Variants in TRAM2 observed in about 807,000 individuals in gnomAD.
The protein encoded by TRAM2 is translocating chain-associated membrane protein 2.
In TRAM2, 12 loss-of-function variants were observed where a neutral mutation model predicts 51.0. The observed-to-expected ratio is 0.24, with a 90% CI of 0.15 to 0.38. The LOEUF is 0.38. TRAM2 is among the 10% of genes least tolerant of loss of function. The pLI, the probability that TRAM2 is intolerant of heterozygous loss-of-function variation, is 1.00. For synonymous variants in TRAM2, 175 were observed against 179.4 expected (o/e 0.98, Z 0.20); for missense variants, 361 against 462.0 (o/e 0.78, Z 2.00).
chr6:52,570,967 G>A (rs1229800993), intron 1 of TRAM2, among the ~76,000 whole-genome samples: 1 of 152,162 alleles, frequency 6.6e-6, no homozygotes, highest in Non-Finnish European at 1.5e-5. Flanking sequence ...ATCTGAGACA[G>A]TAGAGGTATA....
Position 52,505,867 on chromosome 6 carries a change from G to A in TRAM2, c.732-125C>T. ...GGGTGGCTGGGGAAAGTGCTTGAGG[G>A]ACGAGATATCTAAAATCAGATGTTC... On this transcript the variant is annotated intron_variant, in intron 8 of 10. Transcript: ENST00000182527. 4.2e-6 allele frequency: 6 copies of A among 1,424,274 alleles called. No homozygotes were observed. In the South Asian group the frequency reaches 6.9e-5, roughly 16 times the overall value. 88.2% of individuals were successfully genotyped at this position (1,424,274 alleles called of 1,614,324 possible).
At chr6:52,507,516 G>A (rs1766371522) in intron 7 of TRAM2, 37 bp downstream of exon 7, 1 of 1,608,142 alleles carries the variant, frequency 6.2e-7, no homozygotes, top group African/African-American at 1.3e-5. Context: ...GACATAAAAG[G>A]GCAAGGAAAT....
In TRAM2 at chr6:52,567,892, C is replaced by G. The variant is rs528516386; in HGVS notation, c.120+8904G>C. Among the ~76,000 whole-genome samples the G allele has an allele frequency of 1.5e-4, 23 of 152,332 alleles. No individual in the cohort carries two copies. The South Asian group carries it at 4.8e-3, about 32-fold the overall frequency. ...AAGTGAGCCCACTAACCTAATGGAG[C>G]ACAATGTTTGCCTAGCTACTACTCC... is the stretch of plus-strand genomic sequence containing the variant. On this transcript the variant is annotated intron_variant, in intron 1 of 10. Coordinates refer to ENST00000182527, the MANE Select transcript of TRAM2 (RefSeq NM_012288.4).
intron 2 of TRAM2, 103 bp from the exon 3 acceptor site, chr6:52,516,840 A>G (rs1378512819): frequency 2.3e-6 from 2 of 874,370 alleles, no homozygotes; most frequent in Non-Finnish European, 3.8e-6. Context: ...ATCAAATGCT[A>G]CCCGTTTGCT....
rs1766274330 is a variant in TRAM2 at position 52,503,277 on chromosome 6, A to G, written c.1040-7T>C. On this transcript the variant is annotated splice_region_variant and splice_polypyrimidine_tract_variant and intron_variant, in intron 10 of 10. Coordinates refer to ENST00000182527, the MANE Select transcript of TRAM2 (RefSeq NM_012288.4). ...ACTCCATTTTCATGGTAACCTGGGA[A>G]GTGGAGAGAGACAAGCATACATGGT... 1.2e-6 allele frequency: 2 copies of G among 1,613,058 alleles called. No homozygotes were observed. Among genetic ancestry groups the G allele is most frequent in the Non-Finnish European group, 1.7e-6 (2 of 1,179,070 alleles).
At chr6:52,563,475 T>C (rs1041169596) in intron 1 of TRAM2, among the ~76,000 whole-genome samples, 1 of 150,440 alleles carries the variant, frequency 6.6e-6, no homozygotes, top group Non-Finnish European at 1.5e-5. Flanking sequence ...ACCCCAGGAC[T>C]TTGGGAGACT....
At chr6:52,516,194 A>G (rs1444897271) in intron 3 of TRAM2, 72 bp from the exon 4 acceptor site, 2 of 1,369,886 alleles carry the variant, frequency 1.5e-6, no homozygotes, top group Non-Finnish European at 2.1e-6. Flanking sequence ...AAACTCTTGT[A>G]TTCTCCCCAC....
At chr6:52,574,196 T>C (rs1392609770) in intron 1 of TRAM2, among the ~76,000 whole-genome samples, 1 of 152,042 alleles carries the variant, frequency 6.6e-6, no homozygotes, top group East Asian at 1.9e-4. Context: ...CTAAGTGATA[T>C]CCAGCCAGTC....
chr6:52,531,830 T>C (rs763739668), intron 2 of TRAM2, among the ~76,000 whole-genome samples: 17 of 151,928 alleles, frequency 1.1e-4, no homozygotes, highest in African/African-American at 1.9e-4. Context: ...ATTTAATTCA[T>C]TGTTTACTTG....
intron 2 of TRAM2, among the ~76,000 whole-genome samples, chr6:52,534,009 C>T (rs1219371033): frequency 2.0e-5 from 3 of 151,340 alleles, no homozygotes; most frequent in South Asian, 2.1e-4. Flanking sequence ...CACTTGAACC[C>T]GGGAGGTGGA....
chr6:52,571,404 G>A (rs1336702836), intron 1 of TRAM2, among the ~76,000 whole-genome samples: 2 of 152,216 alleles, frequency 1.3e-5, no homozygotes, highest in Non-Finnish European at 2.9e-5. Flanking sequence ...TCTACAAACA[G>A]TCGGGACTAA....
chr6:52,542,208 C>T (rs947844998), intron 1 of TRAM2, among the ~76,000 whole-genome samples: 11 of 151,232 alleles, frequency 7.3e-5, no homozygotes, highest in Non-Finnish European at 1.5e-4. Context: ...AAATTTCAGG[C>T]AGACAAGAAA....
At chr6:52,515,878 C>T in intron 4 of TRAM2, 128 bp downstream of exon 4, 4 of 766,902 alleles carry the variant, frequency 5.2e-6, no homozygotes, top group South Asian at 5.1e-5. Flanking sequence ...TTCTAAGAAA[C>T]TTGTTCCCCT....
Position 52,555,108 on chromosome 6 carries a change from T to G in TRAM2, c.121-19262A>C, listed in dbSNP as rs114085123. ...CTCACTTTCACCTTCTGAGTCACTG[T>G]TCAAAAGGCTTCTGAAAAGTAACAC... On this transcript the variant is annotated intron_variant, in intron 1 of 10. Transcript: ENST00000182527. Among the ~76,000 whole-genome samples, 305 of 152,338 alleles carry G rather than the reference T, an allele frequency of 2.0e-3. 1 individual carries two copies. Among genetic ancestry groups the G allele is most frequent in the African/African-American group, 7.0e-3 (289 of 41,578 alleles).
At chr6:52,562,138 G>A (rs1225022986) in intron 1 of TRAM2, among the ~76,000 whole-genome samples, 2 of 152,024 alleles carry the variant, frequency 1.3e-5, no homozygotes, top group African/African-American at 4.8e-5. Flanking sequence ...TACCACTCAT[G>A]TATTGAAAAT....
chr6:52,550,297 C>A (rs1356291953), intron 1 of TRAM2, among the ~76,000 whole-genome samples: 1 of 152,180 alleles, frequency 6.6e-6, no homozygotes, highest in African/African-American at 2.4e-5. Context: ...CTATCCTCAG[C>A]CCCTTCAAGC....
chr6:52,516,956 G>T, intron 2 of TRAM2: 1 of 555,606 alleles, frequency 1.8e-6, no homozygotes, highest in Non-Finnish European at 3.2e-6. Context: ...CCAAGTGCAT[G>T]GCTGTATTGT....
chr6:52,511,784 TTTA>T (rs1407648963), intron 4 of TRAM2, among the ~76,000 whole-genome samples: 1 of 135,704 alleles, frequency 7.4e-6, no homozygotes, highest in African/African-American at 3.2e-5. Context: ...GATAAGTCCT[TTTA>T]TCGGATACAT....
intron 4 of TRAM2, among the ~76,000 whole-genome samples, chr6:52,512,599 G>C (rs962946928): frequency 2.6e-5 from 4 of 152,164 alleles, no homozygotes. Context: ...TCCACTGACA[G>C]GCCCCAGCAG....
Sources: allele counts gnomAD v4.1 joint callset (sites outside exome capture counted in the v4.1 genomes callset), GRCh38; gene constraint gnomAD v4.1.1; transcripts MANE v1.5; gene names NCBI Gene and HGNC (gene_info 2026-07-23, HGNC 2026-07-21).